The following CBR4 variants were observed in gnomAD, a reference collection of about 807,000 sequenced individuals.
CBR4 encodes the protein carbonyl reductase 4, also known as 3-oxoacyl-[acyl-carrier-protein] reductase.
In CBR4, 22 loss-of-function variants were observed where a neutral mutation model predicts 21.0. The ratio of observed to expected loss-of-function variants is 1.05; its 90% confidence interval spans 0.75 to 1.50. The LOEUF (loss-of-function observed/expected upper bound fraction) is 1.50, where lower values mean the gene tolerates loss of function less well. CBR4 is among the 40% of genes most tolerant of loss of function. CBR4 has a pLI of 0.00. For missense variants in CBR4, 302 were observed against 286.3 expected, an observed-to-expected ratio of 1.05 and a Z score of -0.40; for synonymous variants, 100 against 104.4, an observed-to-expected ratio of 0.96 and a Z score of 0.26.
chr4:169,003,782 G>A (rs1392076478), intron 3 of CBR4, among the ~76,000 whole-genome samples: 1 of 152,138 alleles, frequency 6.6e-6, no homozygotes, highest in Non-Finnish European at 1.5e-5. Context: ...AAAATGATGA[G>A]TTCATGTCCT....
At chr4:169,000,429 CA>C (rs952927394) in intron 4 of CBR4, among the ~76,000 whole-genome samples, 1 of 151,164 alleles carries the variant, frequency 6.6e-6, no homozygotes, top group African/African-American at 2.4e-5. Context: ...CACTATAGAC[CA>C]AAAGGGTTAA....
At chr4:168,925,116 A>G in intron 2 of CBR4, 1 of 1,610,922 alleles carries the variant, frequency 6.2e-7, no homozygotes, top group East Asian at 2.2e-5. Context: ...GCGTTTACTC[A>G]TTAAATTATG....
At chr4:168,963,090 T>G (rs1486699441) in intron 2 of CBR4, among the ~76,000 whole-genome samples, 1 of 152,214 alleles carries the variant, frequency 6.6e-6, no homozygotes, top group Non-Finnish European at 1.5e-5. Context: ...AGAATTTTAA[T>G]TCCAGTATTT....
intron 2 of CBR4, among the ~76,000 whole-genome samples, chr4:168,977,916 T>C (rs1764420456): frequency 2.0e-5 from 2 of 97,610 alleles, no homozygotes; most frequent in African/African-American, 2.9e-5. Context: ...AATTTTCCAT[T>C]ACCTCTCACA....
chr4:168,922,102 T>TATATACAC (rs1459158507), intron 2 of CBR4, among the ~76,000 whole-genome samples: 1 of 132,604 alleles, frequency 7.5e-6, no homozygotes, highest in Non-Finnish European at 1.6e-5. Context: ...TATATATATA[T>TATATACAC]ACACACACAC....
intron 2 of CBR4, among the ~76,000 whole-genome samples, chr4:168,945,007 A>C (rs1763366128): frequency 6.6e-6 from 1 of 152,228 alleles, no homozygotes; most frequent in African/African-American, 2.4e-5. Flanking sequence ...TGCCTACTTC[A>C]CTAGAAATAA....
At chr4:168,956,360 C>T (rs1218786523) in intron 2 of CBR4, among the ~76,000 whole-genome samples, 1 of 151,896 alleles carries the variant, frequency 6.6e-6, no homozygotes, top group Non-Finnish European at 1.5e-5. Flanking sequence ...AATCCTAGCA[C>T]TTTGGGAGGC....
chr4:168,978,523 C>T (rs1764437463), intron 2 of CBR4, among the ~76,000 whole-genome samples: 1 of 152,142 alleles, frequency 6.6e-6, no homozygotes, highest in South Asian at 2.1e-4. Flanking sequence ...AAGTGAGGCT[C>T]CCCCCTGCAG....
intron 2 of CBR4, among the ~76,000 whole-genome samples, chr4:168,911,879 G>C (rs1033177268): frequency 1.1e-4 from 16 of 152,138 alleles, no homozygotes; most frequent in Admixed American, 3.3e-4. Flanking sequence ...ATGCCAGACG[G>C]AGTCACATAT....
intron 4 of CBR4, among the ~76,000 whole-genome samples, chr4:168,995,876 T>C (rs535592010): frequency 6.6e-6 from 1 of 152,168 alleles, no homozygotes; most frequent in Non-Finnish European, 1.5e-5. Flanking sequence ...TAAGGTCTTG[T>C]TAAATGTTAT....
intron 2 of CBR4, among the ~76,000 whole-genome samples, chr4:168,919,508 G>GAGC (rs1469683971): frequency 6.7e-6 from 1 of 149,194 alleles, no homozygotes. Context: ...CCTGGGCAAG[G>GAGC]AGCAAGACTG....
intron 2 of CBR4, among the ~76,000 whole-genome samples, chr4:168,964,285 C>G (rs1480622614): frequency 6.6e-6 from 1 of 152,186 alleles, no homozygotes; most frequent in Non-Finnish European, 1.5e-5. Context: ...TTCTCTCAAA[C>G]TCTCTTCCCT....
At chr4:168,978,747 A>C (rs1395365608) in intron 2 of CBR4, among the ~76,000 whole-genome samples, 2 of 152,114 alleles carry the variant, frequency 1.3e-5, no homozygotes, top group African/African-American at 4.8e-5. Context: ...CCAACAAAGG[A>C]GGCCAGGTTC....
At chr4:168,935,067 T>C (rs1005606510) in intron 2 of CBR4, among the ~76,000 whole-genome samples, 1 of 152,216 alleles carries the variant, frequency 6.6e-6, no homozygotes, top group African/African-American at 2.4e-5. Flanking sequence ...CATTTCCAGC[T>C]GAGGTACCCA....
intron 2 of CBR4, among the ~76,000 whole-genome samples, chr4:168,908,039 G>A (rs1165393837): frequency 1.3e-5 from 2 of 152,176 alleles, no homozygotes; most frequent in Admixed American, 1.3e-4. Flanking sequence ...AGGCCTCAGT[G>A]TGTAAATGTA....
chr4:169,009,054 C>T, intron 1 of CBR4: 1 of 399,428 alleles, frequency 2.5e-6, no homozygotes, highest in South Asian at 1.7e-5. Context: ...AATGGGAAGC[C>T]CTCTCAAAAA....
At chr4:168,906,036 T>C (rs1339712414) in intron 2 of CBR4, among the ~76,000 whole-genome samples, 2 of 152,152 alleles carry the variant, frequency 1.3e-5, no homozygotes, top group South Asian at 2.1e-4. Context: ...TTCCTTGACA[T>C]TAACAAATTC....
intron 2 of CBR4, among the ~76,000 whole-genome samples, chr4:168,897,643 G>A (rs1261210283): frequency 6.6e-6 from 1 of 152,032 alleles, no homozygotes; most frequent in African/African-American, 2.4e-5. Flanking sequence ...GTAGAGATGG[G>A]GTCTCACTTT....
chr4:168,983,024 GAACA>G (rs1009161521), downstream of CBR4, among the ~76,000 whole-genome samples: 2 of 151,968 alleles, frequency 1.3e-5, no homozygotes, highest in Non-Finnish European at 2.9e-5. Context: ...TGAAAAACAA[GAACA>G]AACCAACTCC....
Sources: allele counts gnomAD v4.1 joint callset (sites outside exome capture counted in the v4.1 genomes callset), GRCh38; gene constraint gnomAD v4.1.1; transcripts MANE v1.5; gene names NCBI Gene and HGNC (gene_info 2026-07-23, HGNC 2026-07-21).